The following GRID2 variants were observed in gnomAD, a reference collection of about 807,000 sequenced individuals.
GRID2 encodes the protein glutamate receptor ionotropic, delta-2.
In GRID2, 33 loss-of-function variants were observed where a neutral mutation model predicts 114.8. The ratio of observed to expected loss-of-function variants is 0.29; its 90% confidence interval spans 0.22 to 0.38. The LOEUF (loss-of-function observed/expected upper bound fraction) is 0.38. Among genes scored for constraint, GRID2 ranks in the 10% least tolerant of loss-of-function variants. The pLI, the probability that GRID2 is intolerant of heterozygous loss-of-function variation, is 1.00. For synonymous variants in GRID2, 505 were observed against 449.9 expected, an observed-to-expected ratio of 1.12 and a Z score of -1.55; for missense variants, 1,184 against 1,257.7, an observed-to-expected ratio of 0.94 and a Z score of 0.89.
intron 2 of GRID2, among the ~76,000 whole-genome samples, chr4:92,963,896 T>C (rs1298229275): frequency 6.6e-6 from 1 of 152,020 alleles, no homozygotes; most frequent in Non-Finnish European, 1.5e-5. Context: ...ATGGATGTTG[T>C]GTTCACAGGC....
intron 13 of GRID2, among the ~76,000 whole-genome samples, chr4:93,599,299 A>G (rs1739435207): frequency 1.3e-5 from 2 of 152,240 alleles, no homozygotes; most frequent in Admixed American, 1.3e-4. Context: ...CACTGTCATT[A>G]GTGGTCACTT....
intron 8 of GRID2, among the ~76,000 whole-genome samples, chr4:93,281,205 A>G (rs1752616697): frequency 6.6e-6 from 1 of 151,882 alleles, no homozygotes; most frequent in African/African-American, 2.4e-5. Context: ...GAAAATATAC[A>G]GGTATTTGGG....
chr4:93,676,907 G>A (rs1724924556), intron 14 of GRID2, among the ~76,000 whole-genome samples: 1 of 152,066 alleles, frequency 6.6e-6, no homozygotes, highest in African/African-American at 2.4e-5. Context: ...ATCTCACTAG[G>A]GAGTGCCAGA....
At chr4:93,431,230 T>C (rs1769375875) in intron 10 of GRID2, among the ~76,000 whole-genome samples, 1 of 152,114 alleles carries the variant, frequency 6.6e-6, no homozygotes, top group Non-Finnish European at 1.5e-5. Context: ...GTTGGATATG[T>C]AGCATTCTGA....
intron 1 of GRID2, among the ~76,000 whole-genome samples, chr4:92,541,051 C>A (rs556903680): frequency 1.3e-5 from 2 of 152,100 alleles, no homozygotes; most frequent in African/African-American, 2.4e-5. Flanking sequence ...GGACAAAAAA[C>A]CAAACACCAC....
chr4:93,431,129 T>C lies in GRID2; in HGVS notation c.1545+8161T>C, dbSNP rs141087614. Reference sequence around the variant, plus strand: ...TCTGGAATAATTCATCAGTTCATAGTACAAATACATAAAAGGGTGGTTGTG... The same window carrying C: ...TCTGGAATAATTCATCAGTTCATAGCACAAATACATAAAAGGGTGGTTGTG... On this transcript the variant is annotated intron_variant, in intron 10 of 15. Coordinates refer to ENST00000282020, the MANE Select transcript of GRID2 (RefSeq NM_001510.4). Among the ~76,000 whole-genome samples, 344 of 152,270 alleles carry C rather than the reference T, an allele frequency of 2.3e-3. 4 individuals carry two copies. The highest frequency in any genetic ancestry group is 5.8e-3 in the African/African-American group (243 of 41,572).
At chr4:93,757,820 A>G (rs1461621321) in intron 14 of GRID2, among the ~76,000 whole-genome samples, 1 of 152,086 alleles carries the variant, frequency 6.6e-6, no homozygotes, top group African/African-American at 2.4e-5. Flanking sequence ...ATCTGGGCAT[A>G]GTAGTGGGTG....
chr4:93,342,850 C>A (rs1017680156), intron 8 of GRID2, among the ~76,000 whole-genome samples: 3 of 152,056 alleles, frequency 2.0e-5, no homozygotes, highest in South Asian at 2.1e-4. Context: ...TTCAGGCTGA[C>A]CTTGCTTGAA....
intron 2 of GRID2, among the ~76,000 whole-genome samples, chr4:92,644,330 A>C (rs1010673544): frequency 1.3e-5 from 2 of 151,814 alleles, no homozygotes; most frequent in African/African-American, 4.8e-5. Flanking sequence ...CCTATTTGAT[A>C]TCAATATGCT....
At chr4:92,407,718 C>T (rs926557170) in intron 1 of GRID2, among the ~76,000 whole-genome samples, 13 of 152,008 alleles carry the variant, frequency 8.6e-5, no homozygotes, top group African/African-American at 3.1e-4. Context: ...TTATTGGTTG[C>T]TTGTATGTTT....
At chr4:92,851,832 G>A (rs1363999247) in intron 2 of GRID2, among the ~76,000 whole-genome samples, 1 of 151,956 alleles carries the variant, frequency 6.6e-6, no homozygotes, top group Non-Finnish European at 1.5e-5. Flanking sequence ...ATGTGAAAAA[G>A]TGGGTGAACT....
At chr4:93,356,521 A>G (rs1004369134) in intron 8 of GRID2, among the ~76,000 whole-genome samples, 7 of 151,740 alleles carry the variant, frequency 4.6e-5, no homozygotes, top group Non-Finnish European at 7.4e-5. Flanking sequence ...TTTCTAAGTT[A>G]CTGAATTGAA....
intron 2 of GRID2, among the ~76,000 whole-genome samples, chr4:92,609,713 G>T (rs1729632398): frequency 6.6e-6 from 1 of 151,174 alleles, no homozygotes. Context: ...TCATGTAACT[G>T]TCATATCTTT....
At chr4:93,265,713 A>G (rs1579478307) in intron 8 of GRID2, among the ~76,000 whole-genome samples, 1 of 152,168 alleles carries the variant, frequency 6.6e-6, no homozygotes, top group East Asian at 1.9e-4. Context: ...AATTTTGGTG[A>G]ATTAGTGAGT....
intron 2 of GRID2, among the ~76,000 whole-genome samples, chr4:93,038,540 C>T (rs1407924325): frequency 6.6e-6 from 1 of 152,130 alleles, no homozygotes; most frequent in Non-Finnish European, 1.5e-5. Context: ...CCTGTAATCT[C>T]AGCACTTTGG....
chr4:93,517,381 A>G lies in GRID2; in HGVS notation c.2193+1970A>G, dbSNP rs537983046. ...TTGATAAGGAGGGCTAATGAGTTCGAAACTGCAAATCAAGTCCTCAAATAT... is the reference window on the plus strand; with the variant it reads ...TTGATAAGGAGGGCTAATGAGTTCGGAACTGCAAATCAAGTCCTCAAATAT... On this transcript the variant is annotated intron_variant, in intron 13 of 15. Coordinates refer to ENST00000282020, the MANE Select transcript of GRID2 (RefSeq NM_001510.4). 8.5e-5 allele frequency among the ~76,000 whole-genome samples: 13 copies of G among 152,234 alleles called. No individual in the cohort carries two copies. The South Asian group carries it at 2.7e-3, about 32-fold the overall frequency.
chr4:93,771,627 CTT>C (rs1310293134), intron 15 of GRID2, among the ~76,000 whole-genome samples: 1 of 151,950 alleles, frequency 6.6e-6, no homozygotes, highest in African/African-American at 2.4e-5. Context: ...AGAATGGAAA[CTT>C]AAGTTTAGGA....
chr4:93,326,323 C>T (rs1757832900), intron 8 of GRID2, among the ~76,000 whole-genome samples: 1 of 152,130 alleles, frequency 6.6e-6, no homozygotes, highest in Non-Finnish European at 1.5e-5. Context: ...GATACCTTAT[C>T]CTCAAGAAGC....
chr4:93,220,364 C>CA, intron 6 of GRID2, among the ~76,000 whole-genome samples: 1 of 152,044 alleles, frequency 6.6e-6, no homozygotes, highest in African/African-American at 2.4e-5. Context: ...AAAGTCTTGA[C>CA]AGAGTGATGA....
Sources: allele counts gnomAD v4.1 joint callset (sites outside exome capture counted in the v4.1 genomes callset), GRCh38; gene constraint gnomAD v4.1.1; transcripts MANE v1.5; gene names NCBI Gene and HGNC (gene_info 2026-07-23, HGNC 2026-07-21).